Variants in TP53BP1 observed in about 807,000 individuals in gnomAD.
TP53BP1 encodes the protein tumor protein p53 binding protein 1, also known as TP53-binding protein 1.
A neutral mutation model predicts 200.8 loss-of-function variants in TP53BP1; 61 were observed. The observed-to-expected ratio is 0.30, with a 90% CI of 0.25 to 0.38. The LOEUF (loss-of-function observed/expected upper bound fraction) is 0.38. Ranked by LOEUF, TP53BP1 falls within the 10% of genes least tolerant of loss-of-function variation. The pLI is 1.00. For missense variants in TP53BP1, 2,144 were observed against 2,371.9 expected, an observed-to-expected ratio of 0.90 and a Z score of 2.00; for synonymous variants, 822 against 844.3, an observed-to-expected ratio of 0.97 and a Z score of 0.46.
intron 18 of TP53BP1, among the ~76,000 whole-genome samples, chr15:43,424,949 C>CT (rs1191667827): frequency 6.6e-6 from 1 of 152,184 alleles, no homozygotes; most frequent in Admixed American, 6.5e-5. Context: ...GAATTACGAG[C>CT]TAACAGATTA....
rs2078986540 is a variant in TP53BP1 at position 43,482,463 on chromosome 15, T to C, written c.372-1441A>G. ...GCACGGCCAACATGGTGCAACCCCG[T>C]CTCTACTAAAAATACAAAAATTAGG... On this transcript the variant is annotated intron_variant, in intron 4 of 27. Coordinates refer to ENST00000382044, the MANE Select transcript of TP53BP1 (RefSeq NM_001141980.3). Among the ~76,000 whole-genome samples, 5 of 151,334 alleles carry C rather than the reference T, an allele frequency of 3.3e-5. No homozygotes were observed. The South Asian group carries it at 1.0e-3, about 32-fold the overall frequency.
intron 11 of TP53BP1, among the ~76,000 whole-genome samples, chr15:43,460,423 G>C (rs1421876511): frequency 6.6e-6 from 1 of 152,054 alleles, no homozygotes; most frequent in Non-Finnish European, 1.5e-5. Context: ...ACCAGAGCCA[G>C]GTAATTTTTG....
At chr15:43,440,339 G>A (rs939651317) in intron 15 of TP53BP1, among the ~76,000 whole-genome samples, 14 of 151,894 alleles carry the variant, frequency 9.2e-5, no homozygotes, top group African/African-American at 2.2e-4. Context: ...GTGAAACCCC[G>A]TCTCCACTAA....
chr15:43,466,672 C>A (rs183185624), intron 11 of TP53BP1, among the ~76,000 whole-genome samples: 2 of 152,220 alleles, frequency 1.3e-5, no homozygotes, highest in African/African-American at 4.8e-5. Flanking sequence ...GCCTGGGCAA[C>A]ATAGTGAGGT....
At chr15:43,485,781 T>C (rs531648393) in intron 4 of TP53BP1, among the ~76,000 whole-genome samples, 3 of 146,984 alleles carry the variant, frequency 2.0e-5, no homozygotes, top group African/African-American at 5.0e-5. Flanking sequence ...AGGTGGAAGT[T>C]GCAGTGAGCC....
intron 18 of TP53BP1, among the ~76,000 whole-genome samples, chr15:43,425,643 T>A (rs2045511036): frequency 6.6e-6 from 1 of 151,750 alleles, no homozygotes; most frequent in Admixed American, 6.6e-5. Context: ...AAAAAATATA[T>A]TTTAAGAAAT....
chr15:43,446,266 G>A (rs950097347), intron 14 of TP53BP1, 121 bp downstream of exon 14: 13 of 776,410 alleles, frequency 1.7e-5, no homozygotes, highest in Admixed American at 5.6e-5. Flanking sequence ...AAATCTATGA[G>A]TGTAAGACTT....
chr15:43,407,387 T>C lies in TP53BP1; in HGVS notation c.5930A>G (p.His1977Arg). 6.2e-7 allele frequency: 1 copy of C among 1,613,558 alleles called. No individual in the cohort carries two copies. Among genetic ancestry groups the C allele is most frequent in the Non-Finnish European group, 8.5e-7 (1 of 1,179,482 alleles). Residue 1977 changes from histidine (H) to arginine (R), a missense_variant, in exon 28 of 28, where the codon CAC becomes CGC. His to Arg is a conservative substitution (Grantham distance 29, BLOSUM62 0). Coordinates refer to ENST00000382044, the MANE Select transcript of TP53BP1 (RefSeq NM_001141980.3). ...HPKYKHDYVSH is the reference protein window; with the variant it reads ...HPKYKHDYVSR ...AACCAGTAAGACCAAGTATCTTTAG[T>C]GAGAAACATAATCGTGTTTATATTT...
chr15:43,463,006 G>A (rs768478503), intron 11 of TP53BP1, among the ~76,000 whole-genome samples: 25 of 152,094 alleles, frequency 1.6e-4, no homozygotes, highest in Non-Finnish European at 3.5e-4. Flanking sequence ...GCAGTGAGCT[G>A]AGATCATGCC....
intron 12 of TP53BP1, among the ~76,000 whole-genome samples, chr15:43,451,293 C>T (rs1301960498): frequency 6.6e-6 from 1 of 152,030 alleles, no homozygotes; most frequent in Non-Finnish European, 1.5e-5. Flanking sequence ...ATCAACTCGT[C>T]ATTTAGCATT....
chr15:43,493,109 G>A lies in TP53BP1; in HGVS notation c.-66C>T. On this transcript the variant is annotated 5_prime_UTR_variant, in exon 1 of 28. Coordinates refer to ENST00000382044, the MANE Select transcript of TP53BP1 (RefSeq NM_001141980.3). ...CACGCTCCCCAAGTCCCTCCAGATCGATCCCTAGGTCGCCGCTGTCGCCAC... is the reference window on the plus strand; with the variant it reads ...CACGCTCCCCAAGTCCCTCCAGATCAATCCCTAGGTCGCCGCTGTCGCCAC... 2 of 1,603,548 alleles carry A rather than the reference G, an allele frequency of 1.2e-6. No individual in the cohort carries two copies. The highest frequency in any genetic ancestry group is 1.1e-5 in the South Asian group (1 of 89,928).
At chr15:43,467,886 C>T (rs915791153) in intron 11 of TP53BP1, among the ~76,000 whole-genome samples, 2 of 151,746 alleles carry the variant, frequency 1.3e-5, no homozygotes, top group African/African-American at 2.4e-5. Flanking sequence ...TAGGTTCAAG[C>T]GATTCTCCTG....
upstream of TP53BP1, among the ~76,000 whole-genome samples, chr15:43,495,790 C>A (rs1468086305): frequency 6.8e-6 from 1 of 147,954 alleles, no homozygotes; most frequent in African/African-American, 2.5e-5. Flanking sequence ...GCACTCCAGC[C>A]TGGGTGACAG....
At chr15:43,424,733 G>T (rs1005107706) in intron 18 of TP53BP1, among the ~76,000 whole-genome samples, 1 of 152,222 alleles carries the variant, frequency 6.6e-6, no homozygotes, top group African/African-American at 2.4e-5. Context: ...GGACTTCTTA[G>T]AACTTTTAAT....
chr15:43,479,766 T>G, intron 6 of TP53BP1, 93 bp downstream of exon 6: 2 of 1,455,030 alleles, frequency 1.4e-6, no homozygotes, highest in Non-Finnish European at 1.9e-6. Flanking sequence ...TATATTAATT[T>G]GGATAGCTGC....
rs369206241 is a variant in TP53BP1, at chr15:43,421,144, C to T, written c.4131G>A (p.Thr1377=). The change falls in exon 20 of 28, where the codon ACG becomes ACA. Residue 1377 remains threonine (T), a synonymous_variant. Transcript: ENST00000382044. ...SPRKGVSQTG[T]PVCEEDGDAG... ...CATCACCATCCTCCTCACACACTGG[C>T]GTCCCTGTCTGACTGACCCCTTTTC... is the stretch of plus-strand genomic sequence containing the variant. 5.7e-5 allele frequency: 92 copies of T among 1,614,072 alleles called. 1 individual carries two copies. The highest frequency in any genetic ancestry group is 5.1e-4 in the South Asian group (46 of 91,080).
chr15:43,409,570 T>C lies in TP53BP1; in HGVS notation c.5400+77A>G. 7.8e-6 allele frequency: 6 copies of C among 773,948 alleles called. No individual in the cohort carries two copies. The South Asian group carries it at 1.1e-4, about 15-fold the overall frequency. The allele number at this position is 773,948 out of a possible 1,614,324, so 47.9% of individuals were successfully genotyped here. A position where few individuals can be genotyped will look rare whatever the true frequency, so the allele number is the denominator to read the frequency against. The stretch of plus-strand genomic sequence containing the variant: ...TACTTTATCCAGGTTCCCCAACCCC[T>C]CCCAGGCCTCTTCTCAACACAGCAA... On this transcript the variant is annotated intron_variant, in intron 25 of 27. Transcript: ENST00000382044.
chr15:43,447,289 G>T, intron 13 of TP53BP1, 77 bp downstream of exon 13: 2 of 1,483,780 alleles, frequency 1.3e-6, no homozygotes, highest in South Asian at 1.2e-5. Flanking sequence ...CAACTCCTCA[G>T]ATCTAAAATA....
intron 12 of TP53BP1, among the ~76,000 whole-genome samples, chr15:43,448,760 T>C (rs2143006158): frequency 6.6e-6 from 1 of 151,970 alleles, no homozygotes; most frequent in South Asian, 2.1e-4. Context: ...ATTAGTAATC[T>C]GAGGAGATAA....
Sources: gnomAD v4.1 joint callset for allele counts (sites outside exome capture counted in the v4.1 genomes callset) on GRCh38, gnomAD v4.1.1 for gene constraint, MANE v1.5 for transcripts, NCBI Gene and HGNC (gene_info 2026-07-23, HGNC 2026-07-21) for gene names.